Variants in BICRA observed in about 807,000 individuals in gnomAD.
BICRA encodes the protein BRD4 interacting chromatin remodeling complex associated protein.
A neutral mutation model predicts 96.9 loss-of-function variants in BICRA; 31 were observed. That is an observed-to-expected ratio of 0.32 (90% CI 0.24 to 0.43). BICRA has a LOEUF of 0.43. Among genes scored for constraint, BICRA ranks in the 20% least tolerant of loss-of-function variants. BICRA has a pLI of 1.00. For missense variants in BICRA, 2,283 were observed against 2,190.3 expected, an observed-to-expected ratio of 1.04 and a Z score of -0.84; for synonymous variants, 1,350 against 1,071.8, an observed-to-expected ratio of 1.26 and a Z score of -5.07.
At chr19:47,630,193 C>A (rs1421124043) in intron 1 of BICRA, among the ~76,000 whole-genome samples, 2 of 135,520 alleles carry the variant, frequency 1.5e-5, no homozygotes, top group African/African-American at 5.5e-5. Flanking sequence ...TGGAGTCTCA[C>A]TCTGTCGCCT....
intron 1 of BICRA, among the ~76,000 whole-genome samples, chr19:47,628,180 T>C (rs1347672316): frequency 3.3e-5 from 5 of 152,230 alleles, no homozygotes; most frequent in Non-Finnish European, 1.5e-5. Context: ...TTGCTATTAT[T>C]ATTACTAACC....
chr19:47,643,622 A>G (rs1167470943), intron 1 of BICRA, among the ~76,000 whole-genome samples: 4 of 152,304 alleles, frequency 2.6e-5, no homozygotes, highest in Admixed American at 6.5e-5. Flanking sequence ...CAGAAGCCAC[A>G]CTGTCTGACT....
In BICRA at chr19:47,668,284, G is replaced by A. The variant is rs115024984; in HGVS notation, c.-107-2159G>A. ...TGTTCTTCACAGATCCCGTATTTGC[G>A]AATTCACCTACTTGCGAACATTGGT... On this transcript the variant is annotated intron_variant, in intron 1 of 14. Coordinates refer to ENST00000594866, the MANE Select transcript of BICRA (RefSeq NM_001394372.1). 6.5e-3 allele frequency among the ~76,000 whole-genome samples: 988 copies of A among 152,138 alleles called. 6 individuals carry two copies. Among genetic ancestry groups the A allele is most frequent in the African/African-American group, 0.022 (932 of 41,516 alleles).
chr19:47,681,264 G>T lies in BICRA; in HGVS notation c.2094G>T (p.Met698Ile). The change falls in exon 6 of 15, where the codon ATG becomes ATT. Residue 698 changes from methionine (M) to isoleucine (I), a missense_variant. Met to Ile is a conservative substitution (Grantham distance 10). Transcript: ENST00000594866. Reference sequence around the variant, plus strand: ...TCCTCACTCAGGACTCCCTGCAGATGTTCCTGCCCCAGGTAAGCAGGGCGG... The same window carrying T: ...TCCTCACTCAGGACTCCCTGCAGATTTTCCTGCCCCAGGTAAGCAGGGCGG... ...TAILTQDSLQ[M>I]FLPQERSQQP... The T allele has an allele frequency of 6.5e-7, 1 of 1,540,900 alleles. No homozygotes were observed. The highest frequency in any genetic ancestry group is 8.7e-7 in the Non-Finnish European group (1 of 1,149,134).
At chr19:47,651,995 G>C (rs990731157) in intron 1 of BICRA, among the ~76,000 whole-genome samples, 5 of 152,192 alleles carry the variant, frequency 3.3e-5, no homozygotes, top group African/African-American at 1.2e-4. Flanking sequence ...GGTGTTTGCT[G>C]TAAGACCCAG....
In BICRA at chr19:47,701,656, C is replaced by T. The variant is rs1212491235; in HGVS notation, c.3924C>T (p.Leu1308=). 2 of 1,600,720 alleles carry T rather than the reference C, an allele frequency of 1.2e-6. No individual in the cohort carries two copies. The highest frequency in any genetic ancestry group is 1.3e-5 in the African/African-American group (1 of 74,642). ...KTYEARSRIG[L]KLKIKQEAGL... ...ACGAGGCCCGGAGCCGCATCGGGCT[C>T]AAGCTCAAGATCAAGCAGGAAGCCG... is the stretch of plus-strand genomic sequence containing the variant. Residue 1308 remains leucine, a synonymous_variant, in exon 15 of 15, where the codon CTC becomes CTT. Transcript: ENST00000594866. This position sits in a 1 kb window ranked among gnomAD's most constrained non-coding sequence, Gnocchi z 5.4.
rs1166501237 is a variant in BICRA at position 47,680,300 on chromosome 19, C to A, written c.1130C>A (p.Thr377Lys). ...TPKPFAPAGA[T>K]LTIQGEPGAL... ...AAGCCGTTTGCGCCCGCGGGCGCCA[C>A]GCTCACCATCCAGGGCGAGCCGGGG... The change falls in exon 6 of 15, where the codon ACG becomes AAG. Residue 377 changes from threonine to lysine, a missense_variant. Physicochemically the swap from Thr to Lys is moderately conservative, Grantham distance 78. Coordinates refer to ENST00000594866, the MANE Select transcript of BICRA (RefSeq NM_001394372.1). 6.4e-7 allele frequency: 1 copy of A among 1,554,140 alleles called. No homozygotes were observed. The highest frequency in any genetic ancestry group is 8.6e-7 in the Non-Finnish European group (1 of 1,158,560).
At chr19:47,623,660 T>C (rs181015216) in intron 1 of BICRA, among the ~76,000 whole-genome samples, 167 of 152,214 alleles carry the variant, frequency 1.1e-3, no homozygotes, top group African/African-American at 3.8e-3. Flanking sequence ...GATCAGTGTC[T>C]GAGGATTGCC....
At chr19:47,625,485 T>G (rs1255553409) in intron 1 of BICRA, among the ~76,000 whole-genome samples, 1 of 152,132 alleles carries the variant, frequency 6.6e-6, no homozygotes, top group African/African-American at 2.4e-5. Context: ...TCACTGAGCT[T>G]ATTTCCATGT....
At chr19:47,688,853 C>T (rs1256510560) in intron 7 of BICRA, among the ~76,000 whole-genome samples, 1 of 151,894 alleles carries the variant, frequency 6.6e-6, no homozygotes, top group East Asian at 1.9e-4. Context: ...GACAGAGTCT[C>T]TCTCTCTCTC....
chr19:47,658,652 AAGC>A (rs1023801924), intron 1 of BICRA, among the ~76,000 whole-genome samples: 17 of 145,074 alleles, frequency 1.2e-4, no homozygotes, highest in East Asian at 6.0e-4. Context: ...AAAAAAAAAA[AAGC>A]AGCAGCAGCT....
chr19:47,623,219 T>C (rs1462829750), intron 1 of BICRA, among the ~76,000 whole-genome samples: 1 of 152,152 alleles, frequency 6.6e-6, no homozygotes, highest in Non-Finnish European at 1.5e-5. Flanking sequence ...GCTTGCTTTG[T>C]GCGATGGATT....
chr19:47,694,869 C>T, intron 8 of BICRA, 31 bp from the exon 9 acceptor site: 1 of 1,473,032 alleles, frequency 6.8e-7, no homozygotes, highest in Non-Finnish European at 9.1e-7. Context: ...GCCTATGTTC[C>T]CCACCCCTCA....
At chr19:47,689,147 C>A (rs868371295) in intron 7 of BICRA, among the ~76,000 whole-genome samples, 17 of 152,042 alleles carry the variant, frequency 1.1e-4, no homozygotes, top group Non-Finnish European at 2.2e-4. Context: ...TTTTCTAAGA[C>A]AAATATTGTA....
intron 1 of BICRA, among the ~76,000 whole-genome samples, chr19:47,633,080 CTTTTTTTTTT>C (rs34761702): frequency 1.1e-5 from 1 of 93,222 alleles, no homozygotes; most frequent in African/African-American, 4.0e-5. Flanking sequence ...GATTTTATTT[CTTTTTTTTTT>C]TTTTTTTTTT....
At chr19:47,677,427 T>C (rs1228172344) in intron 5 of BICRA, among the ~76,000 whole-genome samples, 1 of 152,224 alleles carries the variant, frequency 6.6e-6, no homozygotes, top group Non-Finnish European at 1.5e-5. Flanking sequence ...CTGGGCACGG[T>C]GGCTCACGCC....
chr19:47,699,097 C>T lies in BICRA; in HGVS notation c.3492+38C>T, dbSNP rs1028010128. The T allele has an allele frequency of 6.7e-6, 9 of 1,347,182 alleles. No individual in the cohort carries two copies. In the African/African-American group the frequency reaches 7.2e-5, roughly 11 times the overall value. The allele number at this position is 1,347,182 out of a possible 1,614,324, so 83.5% of individuals were successfully genotyped here. ...TCGCCTTCCTCGCCTCTGGGCTCCT[C>T]CTCGCTGGGACACTGCCCCTTTCCC... On this transcript the variant is annotated intron_variant, in intron 13 of 14. Coordinates refer to ENST00000594866, the MANE Select transcript of BICRA (RefSeq NM_001394372.1). This position sits in a 1 kb window ranked among gnomAD's most constrained non-coding sequence, Gnocchi z 5.0.
At chr19:47,630,190 T>G (rs1972201540) in intron 1 of BICRA, among the ~76,000 whole-genome samples, 1 of 140,760 alleles carries the variant, frequency 7.1e-6, no homozygotes, top group Non-Finnish European at 1.5e-5. Context: ...AGATGGAGTC[T>G]CACTCTGTCG....
At position 47,701,545 on chromosome 19, in the gene BICRA, TTCCTCC is replaced by T. The variant is rs753141229; in HGVS notation, c.3822_3827del (p.Ser1275_Ser1276del). On this transcript the variant is annotated inframe_deletion, in exon 15 of 15. Coordinates refer to ENST00000594866, the MANE Select transcript of BICRA (RefSeq NM_001394372.1). The surrounding 1 kb of genome is among the most constrained non-coding windows in gnomAD (Gnocchi z 5.4). ...GGGCGTCCTCCTCCCTGTCCTCCTCTTCCTCCTCCTCCTCTGCCGCCTCCTCCTTGG... is the reference window on the plus strand; with the variant it reads ...GGGCGTCCTCCTCCCTGTCCTCCTCTTCCTCCTCTGCCGCCTCCTCCTTGG... 6 of 1,548,390 alleles carry T rather than the reference TTCCTCC, an allele frequency of 3.9e-6. No homozygotes were observed. The highest frequency in any genetic ancestry group is 5.2e-6 in the Non-Finnish European group (6 of 1,146,244).
Sources: allele counts gnomAD v4.1 joint callset (sites outside exome capture counted in the v4.1 genomes callset), GRCh38; gene constraint gnomAD v4.1.1; non-coding constraint Gnocchi (gnomAD v3.1); transcripts MANE v1.5; gene names NCBI Gene and HGNC (gene_info 2026-07-23, HGNC 2026-07-21).